The following CACNG4 variants were observed in gnomAD, a reference collection of about 807,000 sequenced individuals.
CACNG4 encodes voltage-dependent calcium channel gamma-4 subunit.
CACNG4 carries 8 observed loss-of-function variants against 22.9 expected under a neutral mutation model. That is an observed-to-expected ratio of 0.35 (90% CI 0.21 to 0.63). CACNG4 has a LOEUF of 0.63. Among genes scored for constraint, CACNG4 ranks in the 30% least tolerant of loss-of-function variants. The pLI is 0.72. For missense variants in CACNG4, 357 were observed against 455.4 expected, an observed-to-expected ratio of 0.78 and a Z score of 1.97; for synonymous variants, 188 against 191.9, an observed-to-expected ratio of 0.98 and a Z score of 0.17.
chr17:67,008,176 C>T (rs925487400), intron 1 of CACNG4, among the ~76,000 whole-genome samples: 12 of 152,290 alleles, frequency 7.9e-5, no homozygotes, highest in African/African-American at 2.6e-4. Context: ...CAGTGGCTTA[C>T]GAGGGTCTCA....
intron 1 of CACNG4, among the ~76,000 whole-genome samples, chr17:66,979,917 A>G (rs748295864): frequency 6.6e-6 from 1 of 151,934 alleles, no homozygotes; most frequent in Non-Finnish European, 1.5e-5. Context: ...CACCATGCCC[A>G]GCTAATTTTT....
intron 2 of CACNG4, among the ~76,000 whole-genome samples, chr17:67,022,495 G>A (rs1047372726): frequency 2.0e-5 from 3 of 152,246 alleles, no homozygotes; most frequent in African/African-American, 7.2e-5. Flanking sequence ...CTGCCAGAAG[G>A]CAGAGAGGAA....
In CACNG4 at chr17:67,032,123, G is replaced by A. The variant is rs1278078825; in HGVS notation, c.*1119G>A. On this transcript the variant is annotated 3_prime_UTR_variant, in exon 4 of 4. Coordinates refer to ENST00000262138, the MANE Select transcript of CACNG4 (RefSeq NM_014405.4). Reference sequence around the variant, plus strand: ...GGCCCCACAACTCCTGTCATTGTAAGTTATTCTGCCACCACCTAACAGGAC... The same window carrying A: ...GGCCCCACAACTCCTGTCATTGTAAATTATTCTGCCACCACCTAACAGGAC... 1 of 394,700 alleles carries A rather than the reference G, an allele frequency of 2.5e-6. No individual in the cohort carries two copies. The highest frequency in any genetic ancestry group is 2.1e-5 in the African/African-American group (1 of 47,940). 24.4% of individuals were successfully genotyped at this position (394,700 alleles called of 1,614,324 possible).
chr17:66,973,223 G>C (rs1287710177), intron 1 of CACNG4, among the ~76,000 whole-genome samples: 1 of 143,114 alleles, frequency 7.0e-6, no homozygotes, highest in Non-Finnish European at 1.5e-5. Flanking sequence ...CTGGGCAATA[G>C]AGCAAGACTC....
In CACNG4 at chr17:67,033,303, GTTT is replaced by G. The variant is rs2035621467; in HGVS notation, c.*2300_*2302del. ...CGCCCCCTCGCCCCCACCCCTGTGT[GTTT>G]CGCCAGTTAAGCACCTGTGACTCCA... On this transcript the variant is annotated 3_prime_UTR_variant, in exon 4 of 4. Coordinates refer to ENST00000262138, the MANE Select transcript of CACNG4 (RefSeq NM_014405.4). The G allele has an allele frequency of 6.6e-6, 1 of 151,280 alleles. No homozygotes were observed. Among genetic ancestry groups the G allele is most frequent in the African/African-American group, 2.4e-5 (1 of 41,062 alleles). The allele number at this position is 151,280 out of a possible 1,614,324, so 9.4% of individuals were successfully genotyped here.
rs2035575420 is a variant in CACNG4 at position 67,027,546 on chromosome 17, T to C, written c.445+2546T>C. 6.6e-6 allele frequency among the ~76,000 whole-genome samples: 1 copy of C among 152,022 alleles called. No individual in the cohort carries two copies. The highest frequency in any genetic ancestry group is 1.5e-5 in the Non-Finnish European group (1 of 67,992). Reference sequence around the variant, plus strand: ...CTCTTAAAGAACTCGAGGTGGAAAATGGTAGGTGCCACAGGAGAGGGACAG... The same window carrying C: ...CTCTTAAAGAACTCGAGGTGGAAAACGGTAGGTGCCACAGGAGAGGGACAG... On this transcript the variant is annotated intron_variant, in intron 3 of 3. Coordinates refer to ENST00000262138, the MANE Select transcript of CACNG4 (RefSeq NM_014405.4). The surrounding 1 kb of genome is among the most constrained non-coding windows in gnomAD (Gnocchi z 4.3).
chr17:66,994,089 G>A (rs1029475195), intron 1 of CACNG4, among the ~76,000 whole-genome samples: 4 of 151,982 alleles, frequency 2.6e-5, no homozygotes, highest in African/African-American at 7.2e-5. Flanking sequence ...TCAGCACTTT[G>A]GGAGGCCGAG....
intron 1 of CACNG4, among the ~76,000 whole-genome samples, chr17:66,971,919 C>A (rs1009399222): frequency 6.6e-6 from 1 of 152,066 alleles, no homozygotes; most frequent in African/African-American, 2.4e-5. Flanking sequence ...TTTTAGCAGA[C>A]CTTCTGACTG....
At chr17:67,012,582 G>A (rs1351022705) in intron 1 of CACNG4, among the ~76,000 whole-genome samples, 3 of 152,156 alleles carry the variant, frequency 2.0e-5, no homozygotes, top group Non-Finnish European at 4.4e-5. Context: ...AGCGTTTGGG[G>A]ACCTTTATCC....
intron 1 of CACNG4, among the ~76,000 whole-genome samples, chr17:66,983,336 G>C (rs2035287529): frequency 6.6e-6 from 1 of 152,222 alleles, no homozygotes; most frequent in Non-Finnish European, 1.5e-5. Flanking sequence ...TGCACGCTGG[G>C]GAAAAGGCGA....
chr17:67,024,428 T>G (rs1049146682), intron 2 of CACNG4, among the ~76,000 whole-genome samples: 1 of 152,248 alleles, frequency 6.6e-6, no homozygotes, highest in Admixed American at 6.5e-5. Flanking sequence ...CCGATGCGTG[T>G]GCTCTCAACC....
intron 1 of CACNG4, among the ~76,000 whole-genome samples, chr17:66,973,322 G>A (rs1373624719): frequency 6.6e-6 from 1 of 152,052 alleles, no homozygotes; most frequent in African/African-American, 2.4e-5. Context: ...ATGCTTTAGG[G>A]GCCAGCCCCA....
At chr17:66,989,200 C>T (rs2035323986) in intron 1 of CACNG4, among the ~76,000 whole-genome samples, 1 of 150,998 alleles carries the variant, frequency 6.6e-6, no homozygotes, top group Non-Finnish European at 1.5e-5. Flanking sequence ...TATGTCAAAG[C>T]CCTGATGCCT....
rs112704070 is a variant in CACNG4, at chr17:66,989,793, G to A, written c.220+24662G>A. Among the ~76,000 whole-genome samples, 53 of 151,340 alleles carry A rather than the reference G, an allele frequency of 3.5e-4. 1 individual carries two copies. In the South Asian group the frequency reaches 3.7e-3, roughly 11 times the overall value. On this transcript the variant is annotated intron_variant, in intron 1 of 3. Transcript: ENST00000262138. Reference sequence around the variant, plus strand: ...CATGTATGTGTCACCTCCCTGAACCGCCCACCAACCTCCCAATGTGGGTAC... The same window carrying A: ...CATGTATGTGTCACCTCCCTGAACCACCCACCAACCTCCCAATGTGGGTAC...
chr17:66,993,125 A>G (rs538490791), intron 1 of CACNG4, among the ~76,000 whole-genome samples: 1 of 152,322 alleles, frequency 6.6e-6, no homozygotes, highest in East Asian at 1.9e-4. Flanking sequence ...AGCCACCCCA[A>G]TCCCCAGCCA....
In CACNG4 at chr17:67,026,830, G is replaced by A. The variant is rs796870020; in HGVS notation, c.445+1830G>A. Among the ~76,000 whole-genome samples, 52 of 151,998 alleles carry A rather than the reference G, an allele frequency of 3.4e-4. 1 individual carries two copies. Among genetic ancestry groups the A allele is most frequent in the African/African-American group, 1.2e-3 (49 of 41,422 alleles). On this transcript the variant is annotated intron_variant, in intron 3 of 3. Coordinates refer to ENST00000262138, the MANE Select transcript of CACNG4 (RefSeq NM_014405.4). ...GTTGGGAAGAGGAGCCTGTGTTGAGGGTCTCCTGGGAGAAGCATGAACCTC... is the reference window on the plus strand; with the variant it reads ...GTTGGGAAGAGGAGCCTGTGTTGAGAGTCTCCTGGGAGAAGCATGAACCTC...
chr17:67,015,100 C>A (rs1220807253), intron 1 of CACNG4, among the ~76,000 whole-genome samples: 1 of 152,130 alleles, frequency 6.6e-6, no homozygotes, highest in Non-Finnish European at 1.5e-5. Flanking sequence ...TCCACCGCCT[C>A]GTTAGTAATA....
At chr17:67,026,485 CTGTATT>C (rs2035567403) in intron 3 of CACNG4, among the ~76,000 whole-genome samples, 1 of 128,372 alleles carries the variant, frequency 7.8e-6, no homozygotes, top group South Asian at 2.6e-4. Context: ...TGGGGTGTGT[CTGTATT>C]TGAGGAATGT....
chr17:67,000,773 C>A (rs1414871231), intron 1 of CACNG4, among the ~76,000 whole-genome samples: 2 of 152,162 alleles, frequency 1.3e-5, no homozygotes, highest in African/African-American at 4.8e-5. Context: ...GATGGGGGCA[C>A]AAGTTATCCT....
Sources: gnomAD v4.1 joint callset for allele counts (sites outside exome capture counted in the v4.1 genomes callset) on GRCh38, gnomAD v4.1.1 for gene constraint, Gnocchi (gnomAD v3.1) non-coding constraint, MANE v1.5 for transcripts, NCBI Gene and HGNC (gene_info 2026-07-23, HGNC 2026-07-21) for gene names.